The following ARHGEF4 variants were observed in gnomAD, a reference collection of about 807,000 sequenced individuals.
ARHGEF4 encodes APC-stimulated guanine nucleotide exchange factor 1.
In ARHGEF4, 119 loss-of-function variants were observed where a neutral mutation model predicts 162.0. The observed-to-expected ratio is 0.73, with a 90% CI of 0.63 to 0.86. The LOEUF (loss-of-function observed/expected upper bound fraction) is 0.86. Among genes scored for constraint, ARHGEF4 ranks in the 40% least tolerant of loss-of-function variants. The pLI, the probability that ARHGEF4 is intolerant of heterozygous loss-of-function variation, is 0.00. For synonymous variants in ARHGEF4, 1,014 were observed against 979.9 expected (o/e 1.03, Z -0.65); for missense variants, 2,488 against 2,456.0 (o/e 1.01, Z -0.28).
At chr2:131,041,497 C>T in intron 9 of ARHGEF4, 35 bp downstream of exon 9, 1 of 1,574,030 alleles carries the variant, frequency 6.4e-7, no homozygotes, top group Non-Finnish European at 8.7e-7. Context: ...GCAGCCCACG[C>T]CTCTGCATGC....
intron 4 of ARHGEF4, among the ~76,000 whole-genome samples, chr2:130,968,376 C>T (rs780278473): frequency 1.1e-4 from 16 of 152,214 alleles, no homozygotes; most frequent in African/African-American, 2.4e-4. Context: ...CAGAAGGAGG[C>T]TCTCCCTGAG....
intron 4 of ARHGEF4, among the ~76,000 whole-genome samples, chr2:130,967,059 T>A (rs1174393467): frequency 6.6e-6 from 1 of 152,154 alleles, no homozygotes; most frequent in Non-Finnish European, 1.5e-5. Context: ...TCGCTAAACA[T>A]TTTTGGAGTT....
intron 4 of ARHGEF4, among the ~76,000 whole-genome samples, chr2:131,026,129 G>A (rs764636426): frequency 2.0e-5 from 3 of 152,200 alleles, no homozygotes; most frequent in Non-Finnish European, 2.9e-5. Context: ...AGGTCCATGG[G>A]AAAGGACTGC....
At chr2:130,838,415 G>A (rs974464535) in intron 1 of ARHGEF4, among the ~76,000 whole-genome samples, 6 of 152,222 alleles carry the variant, frequency 3.9e-5, no homozygotes, top group South Asian at 2.1e-4. Flanking sequence ...AGACCAGCCT[G>A]GCCAACATGT....
intron 1 of ARHGEF4, among the ~76,000 whole-genome samples, chr2:130,838,826 C>T (rs995960618): frequency 6.6e-6 from 1 of 152,094 alleles, no homozygotes; most frequent in African/African-American, 2.4e-5. Flanking sequence ...CCCAGCTGGC[C>T]CCAGAAGCTC....
rs182682191 is a variant in ARHGEF4 at position 130,869,872 on chromosome 2, G to T, written c.39+32880G>T. Among the ~76,000 whole-genome samples, 3 of 152,324 alleles carry T rather than the reference G, an allele frequency of 2.0e-5. 1 individual carries two copies. The highest frequency in any genetic ancestry group is 2.0e-4 in the Admixed American group (3 of 15,308). On this transcript the variant is annotated intron_variant, in intron 1 of 13. Coordinates refer to ENST00000409359, the MANE Select transcript of ARHGEF4 (RefSeq NM_001367493.1). ...AGCTTGGGGGCCAGAGGCTCAGACT[G>T]GGAGCAGAGCTGTTTCTTGGACCCT... is the stretch of plus-strand genomic sequence containing the variant.
At chr2:130,896,573 C>T (rs1680172259) in intron 1 of ARHGEF4, among the ~76,000 whole-genome samples, 1 of 152,244 alleles carries the variant, frequency 6.6e-6, no homozygotes, top group Non-Finnish European at 1.5e-5. Flanking sequence ...GCAGATGAAA[C>T]ATGTGAGGCC....
chr2:130,850,419 G>A (rs1237387026), intron 1 of ARHGEF4, among the ~76,000 whole-genome samples: 1 of 152,216 alleles, frequency 6.6e-6, no homozygotes, highest in Non-Finnish European at 1.5e-5. Context: ...AGGCTTTCTG[G>A]GAGCTGGCTC....
chr2:131,045,814 C>T, intron 13 of ARHGEF4: 2 of 1,431,304 alleles, frequency 1.4e-6, no homozygotes, highest in Non-Finnish European at 1.8e-6. Flanking sequence ...ACAGGCCACC[C>T]CCCTCTTCAG....
intron 4 of ARHGEF4, among the ~76,000 whole-genome samples, chr2:130,961,084 AAAG>A (rs1283574608): frequency 3.3e-5 from 5 of 152,180 alleles, no homozygotes; most frequent in Non-Finnish European, 7.3e-5. Flanking sequence ...CAGGCCCCTG[AAAG>A]TCCTGACCCC....
intron 3 of ARHGEF4, among the ~76,000 whole-genome samples, chr2:130,945,179 T>A (rs1380683528): frequency 6.6e-6 from 1 of 151,998 alleles, no homozygotes; most frequent in Non-Finnish European, 1.5e-5. Flanking sequence ...ATCTTCTGCT[T>A]GAGACCCCTC....
chr2:130,946,392 G>A (rs1050726682), intron 3 of ARHGEF4, 117 bp from the exon 4 acceptor site: 10 of 1,310,262 alleles, frequency 7.6e-6, no homozygotes, highest in African/African-American at 1.5e-5. Flanking sequence ...GCATATTTTG[G>A]TTGTGTGCTC....
intron 4 of ARHGEF4, among the ~76,000 whole-genome samples, chr2:130,963,479 C>T (rs559118795): frequency 6.6e-6 from 1 of 152,024 alleles, no homozygotes; most frequent in Non-Finnish European, 1.5e-5. Flanking sequence ...AAAAAGTGGG[C>T]GCCCACCAGC....
At chr2:130,993,750 G>A (rs1687203016) in intron 4 of ARHGEF4, among the ~76,000 whole-genome samples, 1 of 151,964 alleles carries the variant, frequency 6.6e-6, no homozygotes, top group Admixed American at 6.6e-5. Context: ...GAGTCTGTAG[G>A]ACATATCTTT....
intron 10 of ARHGEF4, 117 bp from the exon 11 acceptor site, chr2:131,043,335 A>T (rs1324225031): frequency 2.9e-6 from 4 of 1,389,302 alleles, no homozygotes; most frequent in African/African-American, 2.9e-5. Flanking sequence ...TGGCCTGGCC[A>T]GGTGGGCGCT....
chr2:131,021,918 A>AT (rs1689160813), intron 4 of ARHGEF4, among the ~76,000 whole-genome samples: 1 of 152,104 alleles, frequency 6.6e-6, no homozygotes, highest in South Asian at 2.1e-4. Context: ...ATAATCATGT[A>AT]TTTTTCCTTC....
intron 3 of ARHGEF4, among the ~76,000 whole-genome samples, chr2:130,940,831 CAAAAAAAAA>C (rs1196586339): frequency 1.2e-4 from 5 of 43,408 alleles, no homozygotes; most frequent in Non-Finnish European, 2.3e-4. Flanking sequence ...GACTCCGTCT[CAAAAAAAAA>C]AAAAAAAAGA....
intron 4 of ARHGEF4, among the ~76,000 whole-genome samples, chr2:130,971,672 A>AT (rs1319370950): frequency 6.6e-6 from 1 of 151,710 alleles, no homozygotes. Context: ...AAAAAAAAAA[A>AT]AAAAGAATCA....
At chr2:131,006,811 ACC>A (rs1688141937) in intron 4 of ARHGEF4, among the ~76,000 whole-genome samples, 1 of 152,198 alleles carries the variant, frequency 6.6e-6, no homozygotes, top group Non-Finnish European at 1.5e-5. Flanking sequence ...AGGCTGAAAG[ACC>A]AAGTCCAAGT....
Sources: gnomAD v4.1 joint callset for allele counts (sites outside exome capture counted in the v4.1 genomes callset) on GRCh38, gnomAD v4.1.1 for gene constraint, MANE v1.5 for transcripts, NCBI Gene and HGNC (gene_info 2026-07-23, HGNC 2026-07-21) for gene names.